The following COL4A3 variants were observed in gnomAD, a reference collection of about 807,000 sequenced individuals.
COL4A3 encodes the protein collagen alpha-3(IV) chain.
Under a neutral mutation model 217.4 loss-of-function variants are expected in COL4A3, and 135 were observed. That is an observed-to-expected ratio of 0.62 (90% confidence interval 0.54 to 0.72). COL4A3 has a LOEUF of 0.72. COL4A3 is among the 30% of genes least tolerant of loss of function. COL4A3 has a pLI of 0.00. For missense variants in COL4A3, 1,868 were observed against 2,119.9 expected, an observed-to-expected ratio of 0.88 and a Z score of 2.33; for synonymous variants, 690 against 736.3, an observed-to-expected ratio of 0.94 and a Z score of 1.02.
Position 227,290,846 on chromosome 2 carries a change from G to A in COL4A3, c.3170G>A (p.Gly1057Asp). Residue 1057 changes from glycine to aspartate, a missense_variant, in exon 37 of 52, where the codon GGT becomes GAT. By Grantham distance (94) the Gly-to-Asp change is moderately conservative (BLOSUM62 -1). This residue lies in a region of COL4A3 where 1,503 missense variants were observed against 1,786.1 expected (regional missense o/e 0.84). Transcript: ENST00000396578. ...CTCCAGGGAGATAAGGGAGAGCCAGGTTATTCAGAAGGTACAAGGCCAGGA... is the reference window on the plus strand; with the variant it reads ...CTCCAGGGAGATAAGGGAGAGCCAGATTATTCAGAAGGTACAAGGCCAGGA... ...HGLQGDKGEP[G>D]YSEGTRPGPP... 6.2e-7 allele frequency: 1 copy of A among 1,613,712 alleles called. No homozygotes were observed. The highest frequency in any genetic ancestry group is 8.5e-7 in the Non-Finnish European group (1 of 1,179,940).
rs556231520 is a variant in COL4A3 at position 227,226,320 on chromosome 2, T to C, written c.88-11648T>C. Among the ~76,000 whole-genome samples the C allele has an allele frequency of 3.6e-4, 55 of 152,262 alleles. 1 individual carries two copies. The highest frequency in any genetic ancestry group is 1.2e-3 in the African/African-American group (50 of 41,554). ...TGTATTCCCTGTGTCCCCCAAGCTCTGGACAGAAGCACAGTGGGAGAAGGG... is the reference window on the plus strand; with the variant it reads ...TGTATTCCCTGTGTCCCCCAAGCTCCGGACAGAAGCACAGTGGGAGAAGGG... On this transcript the variant is annotated intron_variant, in intron 1 of 51. Coordinates refer to ENST00000396578, the MANE Select transcript of COL4A3 (RefSeq NM_000091.5).
intron 1 of COL4A3, among the ~76,000 whole-genome samples, chr2:227,208,202 AT>A (rs2067173385): frequency 6.6e-6 from 1 of 152,174 alleles, no homozygotes; most frequent in South Asian, 2.1e-4. Flanking sequence ...CTGAAACAAA[AT>A]TGATAACAGC....
chr2:227,185,710 G>T (rs1015100167), intron 1 of COL4A3, among the ~76,000 whole-genome samples: 4 of 152,196 alleles, frequency 2.6e-5, no homozygotes, highest in Non-Finnish European at 5.9e-5. Flanking sequence ...CTGAAATTCA[G>T]AAGGAAAGCC....
intron 1 of COL4A3, among the ~76,000 whole-genome samples, chr2:227,233,487 T>C (rs777567539): frequency 6.6e-6 from 1 of 152,340 alleles, no homozygotes; most frequent in South Asian, 2.1e-4. Flanking sequence ...TGAACATCTA[T>C]ATATTTGAAG....
intron 19 of COL4A3, among the ~76,000 whole-genome samples, chr2:227,260,513 G>A (rs1056386714): frequency 3.9e-5 from 6 of 152,126 alleles, no homozygotes; most frequent in Non-Finnish European, 7.3e-5. Flanking sequence ...GCCAGGATTG[G>A]GAGCCACTGA....
At chr2:227,184,892 T>C (rs1020757061) in intron 1 of COL4A3, among the ~76,000 whole-genome samples, 1 of 52,562 alleles carries the variant, frequency 1.9e-5, no homozygotes, top group South Asian at 8.4e-4. Context: ...CTCACTGGCC[T>C]TTTTTTTTTT....
chr2:227,243,747 A>G (rs4292087), intron 3 of COL4A3, among the ~76,000 whole-genome samples: 111,359 of 152,218 alleles, frequency 0.73, 41,837 homozygotes, highest in East Asian at 0.91. Flanking sequence ...GGACGTCGAA[A>G]CTGAATGCAT....
chr2:227,295,038 C>A lies in COL4A3; in HGVS notation c.3493C>A (p.Pro1165Thr). The change falls in exon 40 of 52, where the codon CCA (proline) becomes ACA (threonine). Residue 1165 changes from proline to threonine, a missense_variant. Transcript: ENST00000396578. ...GDQGRDGIPG[P>T]AGEKGETGLL... is the part of the protein sequence containing the mutation. ...CCAAGGACGTGATGGAATTCCTGGT[C>A]CAGCCGGAGAAAAGGGAGAAACGGG... The A allele has an allele frequency of 1.2e-6, 2 of 1,613,226 alleles. No homozygotes were observed. The highest frequency in any genetic ancestry group is 2.2e-5 in the South Asian group (2 of 91,014).
chr2:227,228,460 C>T (rs1255376678), intron 1 of COL4A3: 1 of 152,362 alleles, frequency 6.6e-6, no homozygotes, highest in Non-Finnish European at 1.5e-5. Context: ...GGTCAGTAAT[C>T]ATAATGCAAA....
chr2:227,237,662 G>T, intron 1 of COL4A3: 1 of 316,150 alleles, frequency 3.2e-6, no homozygotes, highest in Non-Finnish European at 6.2e-6. Context: ...TATTAGGTTG[G>T]TACAAAGGTA....
intron 1 of COL4A3, among the ~76,000 whole-genome samples, chr2:227,218,199 G>C (rs577520366): frequency 6.6e-6 from 1 of 151,776 alleles, no homozygotes; most frequent in African/African-American, 2.4e-5. Flanking sequence ...GGGCGCAGTG[G>C]CTCACGCCTG....
Position 227,259,790 on chromosome 2 carries a change from A to G in COL4A3, c.1030-3A>G, listed in dbSNP as rs2070429460. 4 of 1,602,620 alleles carry G rather than the reference A, an allele frequency of 2.5e-6. No homozygotes were observed. The South Asian group carries it at 3.3e-5, about 13-fold the overall frequency. ...CTCTGTATTTGTTTCTTTCTCCTCT[A>G]AGACAGAATATTATGACACATACCA... On this transcript the variant is annotated splice_polypyrimidine_tract_variant and splice_region_variant and intron_variant, in intron 18 of 51. Coordinates refer to ENST00000396578, the MANE Select transcript of COL4A3 (RefSeq NM_000091.5).
At chr2:227,246,846 G>A (rs762885027) in intron 7 of COL4A3, 108 bp downstream of exon 7, 1 of 931,404 alleles carries the variant, frequency 1.1e-6, no homozygotes, top group Non-Finnish European at 1.8e-6. Context: ...GGAAGTCTGG[G>A]GTAGCCATAG....
intron 3 of COL4A3, 65 bp downstream of exon 3, chr2:227,240,297 G>A (rs1559857053): frequency 1.4e-6 from 2 of 1,447,688 alleles, no homozygotes; most frequent in Non-Finnish European, 1.9e-6. Context: ...CTACCCCCTG[G>A]CTGCTGCAAA....
chr2:227,244,864 G>C lies in COL4A3; in HGVS notation c.280-87G>C, dbSNP rs140879084. 3.8e-6 allele frequency: 5 copies of C among 1,331,474 alleles called. No homozygotes were observed. The East Asian group carries it at 9.2e-5, about 25-fold the overall frequency. 82.5% of individuals were successfully genotyped at this position (1,331,474 alleles called of 1,614,324 possible). A position where few individuals can be genotyped will look rare whatever the true frequency, so the allele number is the denominator to read the frequency against. On this transcript the variant is annotated intron_variant, in intron 4 of 51. Coordinates refer to ENST00000396578, the MANE Select transcript of COL4A3 (RefSeq NM_000091.5). ...GTTATAGTGGAGGAAAAAGATTATC[G>C]CAATGGTAAATAAATTTATGTTTAT...
intron 34 of COL4A3, among the ~76,000 whole-genome samples, chr2:227,284,940 T>G (rs1463429751): frequency 6.6e-6 from 1 of 152,166 alleles, no homozygotes; most frequent in Non-Finnish European, 1.5e-5. Flanking sequence ...TATGGCAGTT[T>G]TCATGATATG....
intron 1 of COL4A3, among the ~76,000 whole-genome samples, chr2:227,219,025 C>A (rs78078007): frequency 6.6e-6 from 1 of 150,696 alleles, no homozygotes; most frequent in Admixed American, 6.6e-5. Flanking sequence ...GACAGAGTCT[C>A]GCTCTGTCCC....
chr2:227,269,533 A>G (rs975188661), intron 23 of COL4A3, among the ~76,000 whole-genome samples: 8 of 152,320 alleles, frequency 5.3e-5, no homozygotes, highest in South Asian at 2.1e-4. Context: ...TAAAAAATGT[A>G]TCATTAATTT....
At chr2:227,290,115 C>T (rs1325448476) in intron 36 of COL4A3, 27 bp downstream of exon 36, 15 of 1,587,996 alleles carry the variant, frequency 9.4e-6, no homozygotes, top group Non-Finnish European at 1.3e-5. Context: ...TGTTATGAGC[C>T]CACAAGCTCA....
Sources: gnomAD v4.1 joint callset for allele counts (sites outside exome capture counted in the v4.1 genomes callset) on GRCh38, gnomAD v4.1.1 for gene constraint, gnomAD v4.1.1 regional missense constraint, MANE v1.5 for transcripts, NCBI Gene and HGNC (gene_info 2026-07-23, HGNC 2026-07-21) for gene names.